The following DGLUCY variants were observed in gnomAD, a reference collection of about 807,000 sequenced individuals.
DGLUCY encodes the protein D-glutamate cyclase.
In DGLUCY, 58 loss-of-function variants were observed where a neutral mutation model predicts 58.5. That is an observed-to-expected ratio of 0.99 (90% confidence interval 0.80 to 1.23). The LOEUF (loss-of-function observed/expected upper bound fraction) is 1.23. DGLUCY is among the 50% of genes most tolerant of loss of function. The pLI is 0.00. For missense variants in DGLUCY, 779 were observed against 784.7 expected (o/e 0.99, Z 0.09); for synonymous variants, 325 against 314.1 (o/e 1.03, Z -0.37).
intron 1 of DGLUCY, among the ~76,000 whole-genome samples, chr14:91,090,097 G>A (rs1481958340): frequency 5.3e-5 from 8 of 152,242 alleles, no homozygotes; most frequent in South Asian, 4.1e-4. Flanking sequence ...TCTGGCTGGC[G>A]GCTGCAGAAA....
intron 1 of DGLUCY, among the ~76,000 whole-genome samples, chr14:91,076,135 A>G (rs2044017572): frequency 6.6e-6 from 1 of 152,016 alleles, no homozygotes; most frequent in Admixed American, 6.6e-5. Flanking sequence ...AAAGATGGAA[A>G]ACAGTGCCTG....
chr14:91,204,537 T>C (rs1326241576), intron 11 of DGLUCY, among the ~76,000 whole-genome samples, 169 bp from the exon 12 acceptor site: 1 of 152,168 alleles, frequency 6.6e-6, no homozygotes, highest in Non-Finnish European at 1.5e-5. Flanking sequence ...TAAAGAAGTT[T>C]CTAGAAGGCC....
intron 13 of DGLUCY, chr14:91,223,587 G>A: frequency 1.9e-6 from 2 of 1,061,314 alleles, no homozygotes; most frequent in Non-Finnish European, 2.5e-6. Flanking sequence ...AGACACATTA[G>A]TGGCTTGGGC....
rs922722229 is a variant in DGLUCY, at chr14:91,215,651, C to T, written c.1716+95C>T. Reference sequence around the variant, plus strand: ...CCAAGCCGTAAGCCGAGGGCTGGCACCCTGCTGCCCCTCAAAAGCCAGAGG... The same window carrying T: ...CCAAGCCGTAAGCCGAGGGCTGGCATCCTGCTGCCCCTCAAAAGCCAGAGG... On this transcript the variant is annotated intron_variant, in intron 13 of 13. Transcript: ENST00000256324. 8.7e-6 allele frequency: 14 copies of T among 1,600,066 alleles called. No individual in the cohort carries two copies. In the African/African-American group the frequency reaches 1.6e-4, roughly 18 times the overall value.
At chr14:91,135,545 G>A (rs925110884) in intron 1 of DGLUCY, among the ~76,000 whole-genome samples, 24 of 151,830 alleles carry the variant, frequency 1.6e-4, no homozygotes, top group Middle Eastern at 3.4e-3. Flanking sequence ...AGCTACTCGG[G>A]AGGCTGAGGC....
chr14:91,208,712 A>G (rs1429338715), intron 12 of DGLUCY, among the ~76,000 whole-genome samples: 3 of 152,132 alleles, frequency 2.0e-5, no homozygotes, highest in African/African-American at 4.8e-5. Flanking sequence ...TTGTGCCACT[A>G]TACTACAGCC....
intron 1 of DGLUCY, among the ~76,000 whole-genome samples, chr14:91,131,342 A>G (rs950276482): frequency 1.3e-5 from 2 of 152,066 alleles, no homozygotes; most frequent in Middle Eastern, 3.4e-3. Flanking sequence ...TTTGATGTCA[A>G]ATTTATCTTC....
chr14:91,092,840 T>C lies in DGLUCY; in HGVS notation c.-82+32136T>C, dbSNP rs530243796. 3.9e-5 allele frequency among the ~76,000 whole-genome samples: 6 copies of C among 152,322 alleles called. No homozygotes were observed. The East Asian group carries it at 1.2e-3, about 29-fold the overall frequency. On this transcript the variant is annotated intron_variant, in intron 1 of 4. Transcript: ENST00000521334. ...GCCTCACACCTGTAATCTCACCATT[T>C]TGGGAGGCCGAGGCAGGTGGATCAC...
At chr14:91,106,664 T>A (rs7141250), upstream of DGLUCY, among the ~76,000 whole-genome samples, 9 of 151,122 alleles carry the variant, frequency 6.0e-5, no homozygotes, top group African/African-American at 1.9e-4. Context: ...CCCAGATTGC[T>A]CCACTGCACT....
At position 91,131,469 on chromosome 14, in the gene DGLUCY, CT is replaced by C. The variant is rs1248711230; in HGVS notation, c.-82+17196del. On this transcript the variant is annotated intron_variant, in intron 1 of 13. Transcript: ENST00000256324. ...ATATAGTTGGTTATAAGCCTAACGT[CT>C]TTTTTTTTTCTTATACTTCAAGTTG... 3.4e-3 allele frequency among the ~76,000 whole-genome samples: 511 copies of C among 149,114 alleles called. 2 individuals are homozygous for C. Among genetic ancestry groups the C allele is most frequent in the South Asian group, 9.7e-3 (46 of 4,726 alleles).
At chr14:91,152,689 G>C (rs148398456) in intron 1 of DGLUCY, among the ~76,000 whole-genome samples, 23 of 152,326 alleles carry the variant, frequency 1.5e-4, no homozygotes, top group Admixed American at 5.2e-4. Flanking sequence ...AATGAGTAGA[G>C]AGACAAGGTC....
At chr14:91,107,669 T>C (rs1472948014), upstream of DGLUCY, among the ~76,000 whole-genome samples, 1 of 152,188 alleles carries the variant, frequency 6.6e-6, no homozygotes, top group Non-Finnish European at 1.5e-5. Context: ...AACTCAGCCA[T>C]GAACAGGCAG....
At chr14:91,190,796 TTGTTCTGGG>T (rs2049836159) in intron 9 of DGLUCY, among the ~76,000 whole-genome samples, 1 of 151,970 alleles carries the variant, frequency 6.6e-6, no homozygotes, top group Non-Finnish European at 1.5e-5. Context: ...AGCTGGGCTT[TTGTTCTGGG>T]TGAGATGGGG....
chr14:91,132,684 T>C (rs893079730), intron 1 of DGLUCY, among the ~76,000 whole-genome samples: 11 of 151,152 alleles, frequency 7.3e-5, no homozygotes, highest in African/African-American at 2.7e-4. Context: ...TGCCATGTTG[T>C]CCAGGGTGGT....
intron 1 of DGLUCY, among the ~76,000 whole-genome samples, chr14:91,077,428 G>GA (rs2044041542): frequency 2.0e-5 from 3 of 148,534 alleles, no homozygotes; most frequent in African/African-American, 7.5e-5. Flanking sequence ...AGGAGGGAGG[G>GA]AGGAAGGAAG....
At chr14:91,120,642 C>G (rs1235205366) in intron 1 of DGLUCY, among the ~76,000 whole-genome samples, 6 of 152,124 alleles carry the variant, frequency 3.9e-5, no homozygotes, top group Admixed American at 2.6e-4. Flanking sequence ...GAACTCTGTC[C>G]TCAGGTGAGC....
chr14:91,145,783 GA>G (rs1187339719), intron 1 of DGLUCY, among the ~76,000 whole-genome samples: 2 of 152,180 alleles, frequency 1.3e-5, no homozygotes, highest in Non-Finnish European at 2.9e-5. Context: ...TTGTAGATGG[GA>G]AAGCTAAGAA....
chr14:91,209,091 A>G (rs1005293590), intron 12 of DGLUCY, among the ~76,000 whole-genome samples: 1 of 151,830 alleles, frequency 6.6e-6, no homozygotes, highest in African/African-American at 2.4e-5. Context: ...AGGTGGGTGG[A>G]TCACCTGAGG....
intron 1 of DGLUCY, among the ~76,000 whole-genome samples, chr14:91,122,160 A>T: frequency 6.7e-6 from 1 of 149,652 alleles, no homozygotes. Context: ...GGAGCTTTTT[A>T]TTTTTTTATT....
Sources: allele counts gnomAD v4.1 joint callset (sites outside exome capture counted in the v4.1 genomes callset), GRCh38; gene constraint gnomAD v4.1.1; transcripts MANE v1.5; gene names NCBI Gene and HGNC (gene_info 2026-07-23, HGNC 2026-07-21).